The following MGAT4C variants were observed in gnomAD, a reference collection of about 807,000 sequenced individuals.
The protein encoded by MGAT4C is alpha-1,3-mannosyl-glycoprotein 4-beta-N-acetylglucosaminyltransferase C.
In MGAT4C, 19 loss-of-function variants were observed where a neutral mutation model predicts 40.1. That is an observed-to-expected ratio of 0.47 (90% CI 0.33 to 0.70). The LOEUF (loss-of-function observed/expected upper bound fraction) is 0.70, where lower values mean the gene tolerates loss of function less well. Among genes scored for constraint, MGAT4C ranks in the 30% least tolerant of loss-of-function variants. MGAT4C has a pLI of 0.02. For missense variants in MGAT4C, 491 were observed against 563.2 expected, an observed-to-expected ratio of 0.87 and a Z score of 1.30; for synonymous variants, 181 against 187.1, an observed-to-expected ratio of 0.97 and a Z score of 0.27.
chr12:86,394,683 G>C (rs1244093558), intron 3 of MGAT4C, among the ~76,000 whole-genome samples: 1 of 143,038 alleles, frequency 7.0e-6, no homozygotes, highest in Admixed American at 7.2e-5. Flanking sequence ...GCAGTGGTAA[G>C]ATCTCAGCTC....
At chr12:86,704,480 A>G (rs979958802) in intron 2 of MGAT4C, among the ~76,000 whole-genome samples, 5 of 152,100 alleles carry the variant, frequency 3.3e-5, no homozygotes, top group Non-Finnish European at 5.9e-5. Context: ...TAATAAATCT[A>G]TTGATCAGAA....
intron 2 of MGAT4C, among the ~76,000 whole-genome samples, chr12:86,661,491 A>C (rs1192586811): frequency 6.6e-6 from 1 of 152,134 alleles, no homozygotes; most frequent in Non-Finnish European, 1.5e-5. Flanking sequence ...AAAATATAAA[A>C]CTGTATGTTT....
Position 86,331,974 on chromosome 12 carries a change from T to C in MGAT4C, c.-57+2091A>G, listed in dbSNP as rs907499384. Among the ~76,000 whole-genome samples, 10 of 152,092 alleles carry C rather than the reference T, an allele frequency of 6.6e-5. 1 individual carries two copies. Among genetic ancestry groups the C allele is most frequent in the Admixed American group, 4.6e-4 (7 of 15,248 alleles). ...TAATTCATCAATAAGAAAATTCTGG[T>C]TTATGTTGAGTATTCCACATTTACA... On this transcript the variant is annotated intron_variant, in intron 4 of 7. Coordinates refer to the MGAT4C transcript ENST00000548651.
At chr12:86,650,643 A>G (rs1963670035) in intron 2 of MGAT4C, among the ~76,000 whole-genome samples, 1 of 151,890 alleles carries the variant, frequency 6.6e-6, no homozygotes, top group Non-Finnish European at 1.5e-5. Context: ...TGTCTGTATT[A>G]CTATATATTA....
intron 2 of MGAT4C, among the ~76,000 whole-genome samples, chr12:86,438,851 A>C (rs1957180719): frequency 6.6e-6 from 1 of 151,900 alleles, no homozygotes; most frequent in Admixed American, 6.6e-5. Context: ...AACAGAACTT[A>C]AAGCAACAAA....
At chr12:86,683,861 T>C (rs974602753) in intron 2 of MGAT4C, among the ~76,000 whole-genome samples, 2 of 152,166 alleles carry the variant, frequency 1.3e-5, no homozygotes, top group Admixed American at 6.5e-5. Flanking sequence ...TTCCTTCTTG[T>C]TGCAGCTGAT....
chr12:86,204,153 T>A (rs937097330), intron 1 of MGAT4C, among the ~76,000 whole-genome samples: 1 of 151,624 alleles, frequency 6.6e-6, no homozygotes, highest in Non-Finnish European at 1.5e-5. Flanking sequence ...AACCAAAAAT[T>A]GAGAAATTCT....
chr12:86,732,853 G>A (rs1375619772), intron 1 of MGAT4C, among the ~76,000 whole-genome samples: 1 of 150,254 alleles, frequency 6.7e-6, no homozygotes, highest in African/African-American at 2.4e-5. Context: ...AAAAGGATGA[G>A]CAGATTAACC....
rs552329404 is a variant in MGAT4C, at chr12:86,120,956, G to A, written c.-56-71233C>T. Among the ~76,000 whole-genome samples the A allele has an allele frequency of 3.3e-5, 5 of 152,286 alleles. No homozygotes were observed. In the East Asian group the frequency reaches 9.7e-4, roughly 29 times the overall value. ...AGTAACAAACTTCTCCGAGCTAAAG[G>A]AGGATGTTTGAACCCATTGCAAAGA... On this transcript the variant is annotated intron_variant, in intron 1 of 4. Coordinates refer to ENST00000611864, the MANE Select transcript of MGAT4C (RefSeq NM_001351288.2).
rs1454661357 is a variant in MGAT4C, at chr12:85,975,300, T to A, written c.*3989A>T. 2 of 151,042 alleles carry A rather than the reference T, an allele frequency of 1.3e-5. No homozygotes were observed. Among genetic ancestry groups the A allele is most frequent in the Non-Finnish European group, 3.0e-5 (2 of 67,170 alleles). The allele number at this position is 151,042 out of a possible 1,614,324, so 9.4% of individuals were successfully genotyped here. On this transcript the variant is annotated 3_prime_UTR_variant, in exon 5 of 5. Transcript: ENST00000611864. Reference sequence around the variant, plus strand: ...TATTGATTACAATGAAGGCCTCTGGTAATGTTTTCCAGGGTCATATCCTGT... The same window carrying A: ...TATTGATTACAATGAAGGCCTCTGGAAATGTTTTCCAGGGTCATATCCTGT...
intron 2 of MGAT4C, among the ~76,000 whole-genome samples, chr12:86,606,333 C>T (rs1469611859): frequency 6.6e-6 from 1 of 152,090 alleles, no homozygotes; most frequent in Non-Finnish European, 1.5e-5. Flanking sequence ...TCTATACCAC[C>T]AAAATGTTAT....
intron 3 of MGAT4C, among the ~76,000 whole-genome samples, chr12:86,361,575 A>G (rs1487551753): frequency 6.6e-6 from 1 of 152,172 alleles, no homozygotes; most frequent in East Asian, 1.9e-4. Context: ...GAAAATTTTT[A>G]CAATCTACCC....
intron 3 of MGAT4C, among the ~76,000 whole-genome samples, chr12:86,349,629 T>C (rs1592726334): frequency 6.6e-6 from 1 of 152,128 alleles, no homozygotes; most frequent in South Asian, 2.1e-4. Context: ...TATCAGTGCA[T>C]TTAGAAAGTA....
At chr12:86,621,966 G>A (rs1015137257) in intron 2 of MGAT4C, among the ~76,000 whole-genome samples, 1 of 152,128 alleles carries the variant, frequency 6.6e-6, no homozygotes, top group African/African-American at 2.4e-5. Context: ...GATTATAAAG[G>A]TAAACAACTA....
At chr12:86,269,748 A>T (rs1367502033) in intron 4 of MGAT4C, among the ~76,000 whole-genome samples, 1 of 152,096 alleles carries the variant, frequency 6.6e-6, no homozygotes, top group African/African-American at 2.4e-5. Flanking sequence ...ATATTATGAG[A>T]TTTAGACTAT....
chr12:86,609,396 C>G (rs1051222563), intron 2 of MGAT4C, among the ~76,000 whole-genome samples: 1 of 151,928 alleles, frequency 6.6e-6, no homozygotes, highest in East Asian at 1.9e-4. Context: ...ACAAAATAAC[C>G]GTGGAAGCTG....
At position 86,583,143 on chromosome 12, in the gene MGAT4C, G is replaced by A. The variant is rs573662072; in HGVS notation, c.-229+144066C>T. Among the ~76,000 whole-genome samples, 31 of 151,360 alleles carry A rather than the reference G, an allele frequency of 2.0e-4. No homozygotes were observed. The South Asian group carries it at 2.3e-3, about 11-fold the overall frequency. On this transcript the variant is annotated intron_variant, in intron 2 of 7. Coordinates refer to the MGAT4C transcript ENST00000548651. ...AATCAGAATATTTTCTCTGAAAGAA[G>A]TTTTCAGAAAGTTTGTGTGTTAAAT... is the stretch of plus-strand genomic sequence containing the variant.
intron 4 of MGAT4C, among the ~76,000 whole-genome samples, chr12:86,290,096 G>T (rs1023090182): frequency 2.0e-5 from 3 of 151,860 alleles, no homozygotes; most frequent in Non-Finnish European, 2.9e-5. Context: ...ACCCATGCTG[G>T]AGTGTAGTGG....
At chr12:86,095,040 A>T (rs1322854393) in intron 1 of MGAT4C, among the ~76,000 whole-genome samples, 1 of 152,114 alleles carries the variant, frequency 6.6e-6, no homozygotes, top group African/African-American at 2.4e-5. Context: ...CAGAAATCCA[A>T]GTTGAGGAGG....
Sources: allele counts gnomAD v4.1 joint callset (sites outside exome capture counted in the v4.1 genomes callset), GRCh38; gene constraint gnomAD v4.1.1; transcripts MANE v1.5; gene names NCBI Gene and HGNC (gene_info 2026-07-23, HGNC 2026-07-21).